The following AGAP1 variants were observed in gnomAD, a reference collection of about 807,000 sequenced individuals.
AGAP1 encodes arf-GAP with GTPase, ANK repeat and PH domain-containing protein 1.
A neutral mutation model predicts 105.3 loss-of-function variants in AGAP1; 29 were observed. That is an observed-to-expected ratio of 0.28 (90% CI 0.21 to 0.38). The LOEUF is 0.38. Among genes scored for constraint, AGAP1 ranks in the 10% least tolerant of loss-of-function variants. The pLI, the probability that AGAP1 is intolerant of heterozygous loss-of-function variation, is 1.00. For synonymous variants in AGAP1, 509 were observed against 485.9 expected, an observed-to-expected ratio of 1.05 and a Z score of -0.63; for missense variants, 998 against 1,165.1, an observed-to-expected ratio of 0.86 and a Z score of 2.09.
Position 235,612,236 on chromosome 2 carries a change from T to C in AGAP1, c.164-96943T>C, listed in dbSNP as rs1946151490. 6.6e-6 allele frequency among the ~76,000 whole-genome samples: 1 copy of C among 151,756 alleles called. No individual in the cohort carries two copies. Among genetic ancestry groups the C allele is most frequent in the Non-Finnish European group, 1.5e-5 (1 of 67,968 alleles). Reference sequence around the variant, plus strand: ...GGGTTCGCAGTGCTGGAAGAGAGAGTGGACAGATTTTACACCAGCACCTTT... The same window carrying C: ...GGGTTCGCAGTGCTGGAAGAGAGAGCGGACAGATTTTACACCAGCACCTTT... On this transcript the variant is annotated intron_variant, in intron 1 of 17. Coordinates refer to ENST00000304032, the MANE Select transcript of AGAP1 (RefSeq NM_001037131.3). This position sits in a 1 kb window ranked among gnomAD's most constrained non-coding sequence, Gnocchi z 4.3.
chr2:235,764,017 C>T (rs562306392), intron 6 of AGAP1, among the ~76,000 whole-genome samples: 2 of 151,904 alleles, frequency 1.3e-5, no homozygotes, highest in Non-Finnish European at 2.9e-5. Flanking sequence ...GTGGCTGTGA[C>T]CCGTGCGTGG....
At position 235,622,759 on chromosome 2, in the gene AGAP1, C is replaced by T. The variant is rs983284362; in HGVS notation, c.164-86420C>T. Among the ~76,000 whole-genome samples, 5 of 151,986 alleles carry T rather than the reference C, an allele frequency of 3.3e-5. No individual in the cohort carries two copies. The highest frequency in any genetic ancestry group is 9.7e-5 in the African/African-American group (4 of 41,374). ...CTCACGTATGCCAGACTCTTCTTAG[C>T]GCTAAGCCATTTTCCCAGGCCGGGT... is the stretch of plus-strand genomic sequence containing the variant. On this transcript the variant is annotated intron_variant, in intron 1 of 17. Transcript: ENST00000304032. The surrounding 1 kb of genome is among the most constrained non-coding windows in gnomAD (Gnocchi z 5.0).
At chr2:235,671,217 G>A (rs552955581) in intron 1 of AGAP1, among the ~76,000 whole-genome samples, 10 of 152,322 alleles carry the variant, frequency 6.6e-5, no homozygotes, top group African/African-American at 2.2e-4. Flanking sequence ...AGGGCGCAGC[G>A]GTCCTGGGTT....
chr2:236,017,839 G>A (rs2056758025), intron 13 of AGAP1, among the ~76,000 whole-genome samples: 1 of 152,164 alleles, frequency 6.6e-6, no homozygotes. Flanking sequence ...GTTATGGATG[G>A]AAAATTGGGA....
intron 16 of AGAP1, among the ~76,000 whole-genome samples, chr2:236,071,427 A>G (rs10929161): frequency 0.41 from 61,907 of 151,988 alleles, 14,652 homozygotes; most frequent in Non-Finnish European, 0.53. Flanking sequence ...GACTGTGAGG[A>G]CCTGGCTTGG....
At chr2:235,511,908 ATG>A (rs909710953) in intron 1 of AGAP1, among the ~76,000 whole-genome samples, 4 of 39,954 alleles carry the variant, frequency 1.0e-4, no homozygotes, top group South Asian at 2.1e-3. Flanking sequence ...GTGAATGAGT[ATG>A]TGGATGTGTG....
chr2:235,550,384 C>T lies in AGAP1; in HGVS notation c.163+55535C>T, dbSNP rs1204951359. On this transcript the variant is annotated intron_variant, in intron 1 of 17. Transcript: ENST00000304032. This position sits in a 1 kb window ranked among gnomAD's most constrained non-coding sequence, Gnocchi z 4.6. ...CATAAAATCACTGCCAGTGACTTCT[C>T]ATAGCTGTTCGTCATTGGGAGTCAC... Among the ~76,000 whole-genome samples, 4 of 152,232 alleles carry T rather than the reference C, an allele frequency of 2.6e-5. No homozygotes were observed. Among genetic ancestry groups the T allele is most frequent in the East Asian group, 3.8e-4 (2 of 5,202 alleles).
rs1464575939 is a variant in AGAP1, at chr2:235,634,560, A to G, written c.164-74619A>G. Among the ~76,000 whole-genome samples, 3 of 152,184 alleles carry G rather than the reference A, an allele frequency of 2.0e-5. No individual in the cohort carries two copies. In the East Asian group the frequency reaches 5.8e-4, roughly 29 times the overall value. ...AAGCCCATCTCTAATCAGTTCAGCCACCTGTATTGCAGACTAATTGTGACC... is the reference window on the plus strand; with the variant it reads ...AAGCCCATCTCTAATCAGTTCAGCCGCCTGTATTGCAGACTAATTGTGACC... On this transcript the variant is annotated intron_variant, in intron 1 of 17. Transcript: ENST00000304032.
chr2:236,049,022 T>G, intron 15 of AGAP1, 37 bp from the exon 16 acceptor site: 1 of 1,570,860 alleles, frequency 6.4e-7, no homozygotes, highest in Non-Finnish European at 8.7e-7. Context: ...TGCATGATGG[T>G]CTGATTGCGT....
Position 235,611,238 on chromosome 2 carries a change from A to G in AGAP1, c.164-97941A>G, listed in dbSNP as rs1462490413. ...CAGAGCACCTTCCCAGGCAGCTGCAAAGGTGGTCTTGGTTTGACTCCCTTG... is the reference window on the plus strand; with the variant it reads ...CAGAGCACCTTCCCAGGCAGCTGCAGAGGTGGTCTTGGTTTGACTCCCTTG... On this transcript the variant is annotated intron_variant, in intron 1 of 17. Coordinates refer to ENST00000304032, the MANE Select transcript of AGAP1 (RefSeq NM_001037131.3). The surrounding 1 kb of genome is among the most constrained non-coding windows in gnomAD (Gnocchi z 5.0). Among the ~76,000 whole-genome samples, 2 of 152,194 alleles carry G rather than the reference A, an allele frequency of 1.3e-5. No individual in the cohort carries two copies. Among genetic ancestry groups the G allele is most frequent in the Non-Finnish European group, 1.5e-5 (1 of 68,038 alleles).
intron 13 of AGAP1, among the ~76,000 whole-genome samples, chr2:236,023,205 T>G (rs2056941528): frequency 6.6e-6 from 1 of 152,158 alleles, no homozygotes; most frequent in Non-Finnish European, 1.5e-5. Flanking sequence ...GAAGAGGAAT[T>G]CTGGGGCTGC....
intron 11 of AGAP1, among the ~76,000 whole-genome samples, chr2:235,910,900 G>GCGA (rs1553674272): frequency 6.6e-6 from 1 of 150,898 alleles, no homozygotes; most frequent in Non-Finnish European, 1.5e-5. Flanking sequence ...GCGCGACAGA[G>GCGA]TGAGACTCCG....
chr2:235,785,229 A>G (rs947236394), intron 6 of AGAP1, among the ~76,000 whole-genome samples: 3 of 152,232 alleles, frequency 2.0e-5, no homozygotes, highest in Non-Finnish European at 4.4e-5. Context: ...CATTTTTCTT[A>G]AAAGTGAGAA....
intron 11 of AGAP1, among the ~76,000 whole-genome samples, chr2:235,910,909 C>T (rs563709077): frequency 0.022 from 3,359 of 151,212 alleles, 121 homozygotes; most frequent in African/African-American, 0.078. Context: ...AGTGAGACTC[C>T]GTCTCAAAAA....
At chr2:236,106,828 G>C (rs1301689427) in intron 16 of AGAP1, among the ~76,000 whole-genome samples, 2 of 152,192 alleles carry the variant, frequency 1.3e-5, no homozygotes, top group Non-Finnish European at 2.9e-5. Context: ...GGAGAGAGAA[G>C]CCAAGAACCC....
intron 1 of AGAP1, among the ~76,000 whole-genome samples, chr2:235,538,256 A>C (rs975031940): frequency 6.6e-6 from 1 of 152,158 alleles, no homozygotes; most frequent in East Asian, 1.9e-4. Context: ...CAGGGACAAG[A>C]TTCGTTTTTG....
chr2:235,682,865 G>C (rs1418462979), intron 1 of AGAP1, among the ~76,000 whole-genome samples: 1 of 151,634 alleles, frequency 6.6e-6, no homozygotes, highest in Non-Finnish European at 1.5e-5. Flanking sequence ...TCTGTTGCCA[G>C]CTGCTGTAGT....
chr2:235,686,179 G>T (rs1281810438), intron 1 of AGAP1, among the ~76,000 whole-genome samples: 1 of 152,082 alleles, frequency 6.6e-6, no homozygotes, highest in Non-Finnish European at 1.5e-5. Flanking sequence ...ATCCAGTAAA[G>T]CTGAAGTCCC....
chr2:235,938,836 C>T (rs1004353352), intron 12 of AGAP1, among the ~76,000 whole-genome samples: 3 of 152,026 alleles, frequency 2.0e-5, no homozygotes, highest in Admixed American at 6.6e-5. Context: ...CTGGGAGGGC[C>T]GGAGGACCCT....
Sources: allele counts gnomAD v4.1 joint callset (sites outside exome capture counted in the v4.1 genomes callset), GRCh38; gene constraint gnomAD v4.1.1; non-coding constraint Gnocchi (gnomAD v3.1); transcripts MANE v1.5; gene names NCBI Gene and HGNC (gene_info 2026-07-23, HGNC 2026-07-21).